YTHDF2: variants seen among roughly 807,000 people sequenced by gnomAD.
YTHDF2 encodes YTH N6-methyladenosine RNA binding protein F2.
A neutral mutation model predicts 50.4 loss-of-function variants in YTHDF2; 2 were observed. The observed-to-expected ratio is 0.04, with a 90% CI of 0.02 to 0.12. YTHDF2 has a LOEUF of 0.12. YTHDF2 is among the 10% of genes least tolerant of loss of function. The probability of loss-of-function intolerance (pLI) is 1.00; values close to 1 mark genes in which losing one functional copy is unlikely to be tolerated. For missense variants in YTHDF2, 483 were observed against 722.6 expected (o/e 0.67, Z 3.80); for synonymous variants, 217 against 255.6 (o/e 0.85, Z 1.44).
At chr1:28,738,623 T>G (rs2087731430) in intron 3 of YTHDF2, among the ~76,000 whole-genome samples, 1 of 152,206 alleles carries the variant, frequency 6.6e-6, no homozygotes, top group South Asian at 2.1e-4. Flanking sequence ...TTTTCTATTT[T>G]TTTAGTAGAG....
chr1:28,761,961 T>C (rs1389480013), intron 4 of YTHDF2, among the ~76,000 whole-genome samples: 1 of 152,222 alleles, frequency 6.6e-6, no homozygotes, highest in Non-Finnish European at 1.5e-5. Context: ...ATGTTTCATA[T>C]ATATATGACT....
At chr1:28,738,405 A>G (rs1570458930) in intron 3 of YTHDF2, 67 bp downstream of exon 3, 1 of 1,282,668 alleles carries the variant, frequency 7.8e-7, no homozygotes. Context: ...CCTTCTACCA[A>G]TAAATCCCAT....
At chr1:28,764,527 C>T (rs1410806414) in intron 4 of YTHDF2, among the ~76,000 whole-genome samples, 1 of 152,064 alleles carries the variant, frequency 6.6e-6, no homozygotes, top group Non-Finnish European at 1.5e-5. Context: ...CCCACCTCGG[C>T]CTCTCAAAGT....
chr1:28,766,704 T>C (rs1187283011), intron 4 of YTHDF2, among the ~76,000 whole-genome samples: 1 of 152,186 alleles, frequency 6.6e-6, no homozygotes. Context: ...GGTATTACTA[T>C]GATAGGTGTT....
At chr1:28,751,089 T>TAAAAAAAAAAA (rs1557545318) in intron 4 of YTHDF2, among the ~76,000 whole-genome samples, 1 of 19,054 alleles carries the variant, frequency 5.2e-5, no homozygotes, top group Non-Finnish European at 1.0e-4. Flanking sequence ...CGAGACTGTC[T>TAAAAAAAAAAA]CAAAAAAAAA....
rs866574650 is a variant in YTHDF2, at chr1:28,753,380, A to C, written c.1716+9394A>C. ...CTCCAAAAAAAAAAAAAAAAAAAAAAAAAAAAAAAAAAAAAAAATCAGCCA... is the reference window on the plus strand; with the variant it reads ...CTCCAAAAAAAAAAAAAAAAAAAAACAAAAAAAAAAAAAAAAAATCAGCCA... On this transcript the variant is annotated intron_variant, in intron 4 of 4. Transcript: ENST00000373812. Among the ~76,000 whole-genome samples the C allele has an allele frequency of 1.2e-3, 165 of 142,612 alleles. 3 individuals carry two copies. The highest frequency in any genetic ancestry group is 8.5e-3 in the South Asian group (36 of 4,230). The allele number at this position is 142,612 out of a possible 152,430, so 93.6% of individuals were successfully genotyped here.
chr1:28,768,009 T>A (rs1442497132), intron 4 of YTHDF2, among the ~76,000 whole-genome samples: 1 of 148,842 alleles, frequency 6.7e-6, no homozygotes, highest in African/African-American at 2.5e-5. Context: ...GAGACCAGCC[T>A]GGCCAACATG....
chr1:28,761,958 A>G (rs939636221), intron 4 of YTHDF2, among the ~76,000 whole-genome samples: 2 of 152,064 alleles, frequency 1.3e-5, no homozygotes, highest in Non-Finnish European at 2.9e-5. Flanking sequence ...TTGATGTTTC[A>G]TATATATATG....
intron 3 of YTHDF2, among the ~76,000 whole-genome samples, chr1:28,741,872 C>T (rs762187530): frequency 6.6e-6 from 1 of 152,168 alleles, no homozygotes; most frequent in Non-Finnish European, 1.5e-5. Flanking sequence ...AGGACTTAAA[C>T]AGTTTGTGAA....
At position 28,737,015 on chromosome 1, in the gene YTHDF2, T is replaced by C. The variant is rs2124622478; in HGVS notation, c.-106T>C. The C allele has an allele frequency of 1.4e-6, 2 of 1,442,960 alleles. No homozygotes were observed. The highest frequency in any genetic ancestry group is 1.9e-6 in the Non-Finnish European group (2 of 1,064,540). 89.4% of individuals were successfully genotyped at this position (1,442,960 alleles called of 1,614,324 possible). ...CTGCGTCCGCCGAGGCCCCCGAGTGTCAGGGACAAAAGCCTCCGCCTGCTC... is the reference window on the plus strand; with the variant it reads ...CTGCGTCCGCCGAGGCCCCCGAGTGCCAGGGACAAAAGCCTCCGCCTGCTC... On this transcript the variant is annotated 5_prime_UTR_variant, in exon 1 of 5. Transcript: ENST00000373812.
chr1:28,759,628 C>G (rs951352799), intron 4 of YTHDF2, among the ~76,000 whole-genome samples: 3 of 152,122 alleles, frequency 2.0e-5, no homozygotes, highest in African/African-American at 7.2e-5. Context: ...ATTTGTGTAT[C>G]TAAACACAGA....
At chr1:28,745,715 T>TCC (rs2087847349) in intron 4 of YTHDF2, among the ~76,000 whole-genome samples, 12 of 51,726 alleles carry the variant, frequency 2.3e-4, no homozygotes, top group African/African-American at 3.7e-4. Flanking sequence ...TAAACTCCCA[T>TCC]CTCCCCCCGC....
Position 28,737,171 on chromosome 1 carries a change from C to T in YTHDF2, c.27+24C>T, listed in dbSNP as rs745749422. The T allele has an allele frequency of 8.3e-6, 13 of 1,571,150 alleles. No individual in the cohort carries two copies. The South Asian group carries it at 1.3e-4, about 15-fold the overall frequency. ...AGGTACAGGCCCGGCCCGCATGCCT[C>T]GGCCATTGTGTGAGGCGAGAAGGAG... On this transcript the variant is annotated intron_variant, in intron 1 of 4. Coordinates refer to ENST00000373812, the MANE Select transcript of YTHDF2 (RefSeq NM_016258.3).
rs183198183 is a variant in YTHDF2, at chr1:28,762,389, C to T, written c.1717-6540C>T. On this transcript the variant is annotated intron_variant, in intron 4 of 4. Transcript: ENST00000373812. ...TCTGGGCAACAGAGCGAGACTCTGT[C>T]TCAAAGAATTTTAGAATGAGACTCC... 3.3e-4 allele frequency among the ~76,000 whole-genome samples: 50 copies of T among 152,308 alleles called. No homozygotes were observed. In the Middle Eastern group the frequency reaches 0.01, roughly 31 times the overall value.
At position 28,764,699 on chromosome 1, in the gene YTHDF2, G is replaced by T. The variant is rs571055692; in HGVS notation, c.1717-4230G>T. Among the ~76,000 whole-genome samples, 135 of 151,566 alleles carry T rather than the reference G, an allele frequency of 8.9e-4. 1 individual carries two copies. Among genetic ancestry groups the T allele is most frequent in the African/African-American group, 3.1e-3 (129 of 41,268 alleles). ...TGGGATTACAGGCGTGGGCCATCGT[G>T]CCTGGCCTCAATTTTTTATTTTTAG... is the stretch of plus-strand genomic sequence containing the variant. On this transcript the variant is annotated intron_variant, in intron 4 of 4. Transcript: ENST00000373812.
At chr1:28,744,051 T>G in intron 4 of YTHDF2, 65 bp downstream of exon 4, 1 of 1,454,428 alleles carries the variant, frequency 6.9e-7, no homozygotes, top group Non-Finnish European at 9.1e-7. Context: ...GAAGAGGTAT[T>G]ATATAGTGAA....
chr1:28,741,768 G>C lies in YTHDF2; in HGVS notation c.133-635G>C, dbSNP rs917048094. Among the ~76,000 whole-genome samples the C allele has an allele frequency of 5.3e-5, 8 of 152,168 alleles. No homozygotes were observed. The South Asian group carries it at 1.4e-3, about 28-fold the overall frequency. Reference sequence around the variant, plus strand: ...GAGGAACGGCTGTACAGACATTTGGGCTAGAACTTGAAATTTCCATTTCTT... The same window carrying C: ...GAGGAACGGCTGTACAGACATTTGGCCTAGAACTTGAAATTTCCATTTCTT... On this transcript the variant is annotated intron_variant, in intron 3 of 4. Coordinates refer to ENST00000373812, the MANE Select transcript of YTHDF2 (RefSeq NM_016258.3).
At chr1:28,747,441 G>T (rs1451655178) in intron 4 of YTHDF2, among the ~76,000 whole-genome samples, 1 of 150,872 alleles carries the variant, frequency 6.6e-6, no homozygotes, top group Non-Finnish European at 1.5e-5. Flanking sequence ...ATGGTGGCAG[G>T]TGCCTGTAAT....
At chr1:28,737,507 C>T in intron 1 of YTHDF2, 151 bp from the exon 2 acceptor site, 1 of 1,079,050 alleles carries the variant, frequency 9.3e-7, no homozygotes, top group Non-Finnish European at 1.3e-6. Flanking sequence ...CCCCCGCCTC[C>T]CATTTTCAGC....
Sources: allele counts gnomAD v4.1 joint callset (sites outside exome capture counted in the v4.1 genomes callset), GRCh38; gene constraint gnomAD v4.1.1; transcripts MANE v1.5; gene names NCBI Gene and HGNC (gene_info 2026-07-23, HGNC 2026-07-21).